Variants in HSCB observed in about 807,000 individuals in gnomAD.
The protein encoded by HSCB is iron-sulfur cluster co-chaperone protein HscB.
Under a neutral mutation model 31.3 loss-of-function variants are expected in HSCB, and 23 were observed. That is an observed-to-expected ratio of 0.74 (90% CI 0.53 to 1.04). The LOEUF (loss-of-function observed/expected upper bound fraction) is 1.04. HSCB is among the 50% of genes least tolerant of loss of function. The pLI, the probability that HSCB is intolerant of heterozygous loss-of-function variation, is 0.00. For missense variants in HSCB, 297 were observed against 288.1 expected (o/e 1.03, Z -0.22); for synonymous variants, 110 against 104.5 (o/e 1.05, Z -0.32).
intron 1 of HSCB, chr22:28,742,699 C>CT: frequency 3.3e-6 from 1 of 304,366 alleles, no homozygotes; most frequent in East Asian, 6.7e-5. Context: ...GGGGCAGGGC[C>CT]TGGGAGACTG....
intron 5 of HSCB, among the ~76,000 whole-genome samples, chr22:28,753,837 CA>C (rs1315188780): frequency 6.4e-5 from 8 of 125,870 alleles, no homozygotes; most frequent in Non-Finnish European, 1.0e-4. Context: ...GACTCCATCT[CA>C]AAAAAAAAAG....
chr22:28,751,672 G>A (rs186718727), intron 5 of HSCB, among the ~76,000 whole-genome samples: 151 of 152,070 alleles, frequency 9.9e-4, no homozygotes, highest in Non-Finnish European at 1.2e-3. Context: ...CTTGAACCAG[G>A]GAGGCGGAAG....
chr22:28,744,271 GC>G, intron 2 of HSCB, among the ~76,000 whole-genome samples: 1 of 152,342 alleles, frequency 6.6e-6, no homozygotes, highest in South Asian at 2.1e-4. Context: ...AACTTTGTGG[GC>G]CTGGCACAGT....
At chr22:28,742,392 G>A (rs749254338) in intron 1 of HSCB, 61 bp downstream of exon 1, 43 of 1,585,352 alleles carry the variant, frequency 2.7e-5, no homozygotes, top group Non-Finnish European at 3.7e-5. Context: ...TCTGGCCTGC[G>A]AGAGGGGAGG....
At chr22:28,746,894 G>A in intron 4 of HSCB, among the ~76,000 whole-genome samples, 1 of 119,314 alleles carries the variant, frequency 8.4e-6, no homozygotes, top group Non-Finnish European at 1.7e-5. Context: ...GTGAGACTCC[G>A]TCTCAAAAAA....
intron 1 of HSCB, 145 bp from the exon 2 acceptor site, chr22:28,743,737 T>C (rs2054634611): frequency 3.1e-6 from 2 of 654,168 alleles, no homozygotes; most frequent in Non-Finnish European, 5.5e-6. Context: ...GACTCTGTTC[T>C]GTGTCCCTTC....
At chr22:28,749,091 T>C (rs2030041356) in intron 4 of HSCB, among the ~76,000 whole-genome samples, 1 of 151,544 alleles carries the variant, frequency 6.6e-6, no homozygotes, top group Non-Finnish European at 1.5e-5. Context: ...CAGTGAACCG[T>C]GTTTGCACCA....
chr22:28,743,216 A>T (rs2054615905), intron 1 of HSCB, among the ~76,000 whole-genome samples: 1 of 152,160 alleles, frequency 6.6e-6, no homozygotes, highest in Non-Finnish European at 1.5e-5. Flanking sequence ...GGAGCAGAGT[A>T]AACGGGATTC....
chr22:28,756,624 A>G (rs1008124941), intron 5 of HSCB, among the ~76,000 whole-genome samples: 1 of 151,890 alleles, frequency 6.6e-6, no homozygotes. Flanking sequence ...ATGTGCCACC[A>G]TGCCTGGCTA....
At chr22:28,748,581 C>T (rs915240259) in intron 4 of HSCB, among the ~76,000 whole-genome samples, 1 of 151,758 alleles carries the variant, frequency 6.6e-6, no homozygotes, top group Non-Finnish European at 1.5e-5. Flanking sequence ...GGCATGATCT[C>T]GGCTCACTGC....
At chr22:28,753,866 C>T (rs1004769925) in intron 5 of HSCB, among the ~76,000 whole-genome samples, 50 of 151,768 alleles carry the variant, frequency 3.3e-4, no homozygotes, top group African/African-American at 1.2e-3. Context: ...GACACAGGAC[C>T]GGGCGCGGTG....
chr22:28,743,481 T>C (rs1301419744), intron 1 of HSCB, among the ~76,000 whole-genome samples: 1 of 152,232 alleles, frequency 6.6e-6, no homozygotes, highest in East Asian at 1.9e-4. Flanking sequence ...TCTTTGTCTG[T>C]GTAATTTAGG....
intron 1 of HSCB, chr22:28,742,749 G>T: frequency 5.2e-6 from 1 of 193,218 alleles, no homozygotes; most frequent in Non-Finnish European, 1.1e-5. Flanking sequence ...TTTAAAGTTG[G>T]GTTGATGTAT....
At chr22:28,751,194 T>C (rs1426333687) in intron 4 of HSCB, 47 bp from the exon 5 acceptor site, 2 of 1,128,212 alleles carry the variant, frequency 1.8e-6, no homozygotes, top group Non-Finnish European at 2.6e-6. Context: ...CTTCATATTA[T>C]GAGTCTATTT....
chr22:28,744,128 C>A (rs1446937005), intron 2 of HSCB, 150 bp downstream of exon 2: 6 of 682,670 alleles, frequency 8.8e-6, no homozygotes, highest in Non-Finnish European at 1.6e-5. Context: ...AGACCCAGAG[C>A]TGCCATTCAC....
intron 5 of HSCB, among the ~76,000 whole-genome samples, chr22:28,755,605 A>G (rs1905471021): frequency 6.6e-6 from 1 of 151,738 alleles, no homozygotes; most frequent in Non-Finnish European, 1.5e-5. Context: ...AGTCTCACAT[A>G]TTTTTCTTTA....
At chr22:28,745,791 A>C (rs192324529) in intron 3 of HSCB, 73 bp from the exon 4 acceptor site, 1 of 1,284,088 alleles carries the variant, frequency 7.8e-7, no homozygotes. Context: ...TTATTTCCTA[A>C]TGGATGAGTA....
rs553527521 is a variant in HSCB, at chr22:28,754,790, AC to A, written c.617-2286del. 8.6e-3 allele frequency among the ~76,000 whole-genome samples: 1,158 copies of A among 134,484 alleles called. 16 individuals carry two copies. Among genetic ancestry groups the A allele is most frequent in the African/African-American group, 0.031 (1,120 of 35,810 alleles). 88.2% of individuals were successfully genotyped at this position (134,484 alleles called of 152,430 possible). A position where few individuals can be genotyped will look rare whatever the true frequency, so the allele number is the denominator to read the frequency against. On this transcript the variant is annotated intron_variant, in intron 5 of 5. Transcript: ENST00000216027. ...CATGATGAATTTTATGTCATGTGTT[AC>A]CAACTTAATTTTTTTTTTTTTTGAG...
chr22:28,755,578 A>G (rs889695742), intron 5 of HSCB, among the ~76,000 whole-genome samples: 1 of 152,156 alleles, frequency 6.6e-6, no homozygotes. Flanking sequence ...ATATATGTAC[A>G]TAATAGTATA....
Sources: gnomAD v4.1 joint callset for allele counts (sites outside exome capture counted in the v4.1 genomes callset) on GRCh38, gnomAD v4.1.1 for gene constraint, MANE v1.5 for transcripts, NCBI Gene and HGNC (gene_info 2026-07-23, HGNC 2026-07-21) for gene names.